Variants in PAPSS2 observed in about 807,000 individuals in gnomAD.
The protein encoded by PAPSS2 is bifunctional 3'-phosphoadenosine 5'-phosphosulfate synthase 2.
Under a neutral mutation model 66.5 loss-of-function variants are expected in PAPSS2, and 61 were observed. The ratio of observed to expected loss-of-function variants is 0.92; its 90% CI spans 0.75 to 1.14. PAPSS2 has a LOEUF of 1.14. PAPSS2 is among the 50% of genes most tolerant of loss of function. The probability of loss-of-function intolerance (pLI) is 0.00; values close to 1 mark genes in which losing one functional copy is unlikely to be tolerated. For missense variants in PAPSS2, 708 were observed against 789.6 expected (o/e 0.90, Z 1.24); for synonymous variants, 289 against 287.5 (o/e 1.01, Z -0.05).
At chr10:87,696,958 G>C (rs1354543911) in intron 1 of PAPSS2, among the ~76,000 whole-genome samples, 1 of 152,218 alleles carries the variant, frequency 6.6e-6, no homozygotes, top group Non-Finnish European at 1.5e-5. Context: ...GTGGTACAAT[G>C]AATGAACCAA....
intron 9 of PAPSS2, among the ~76,000 whole-genome samples, chr10:87,737,422 C>A (rs938518713): frequency 1.3e-5 from 2 of 152,068 alleles, no homozygotes; most frequent in African/African-American, 2.4e-5. Context: ...ATCATCTTAA[C>A]CTTCTTGTAA....
chr10:87,713,315 A>G lies in PAPSS2; in HGVS notation c.381+5A>G, dbSNP rs773678465. 1.5e-5 allele frequency: 12 copies of G among 821,672 alleles called. No individual in the cohort carries two copies. Among genetic ancestry groups the G allele is most frequent in the Middle Eastern group, 3.7e-4 (1 of 2,668 alleles). The allele number at this position is 821,672 out of a possible 1,614,324, so 50.9% of individuals were successfully genotyped here. A position where few individuals can be genotyped will look rare whatever the true frequency, so the allele number is the denominator to read the frequency against. On this transcript the variant is annotated splice_donor_5th_base_variant and intron_variant, in intron 3 of 12. Transcript: ENST00000456849. ...TTTATTTCTCCATTCGCAAAGGTAAAAAAAAAAAAAAAAAAAAAAGGCACT... is the reference window on the plus strand; with the variant it reads ...TTTATTTCTCCATTCGCAAAGGTAAGAAAAAAAAAAAAAAAAAAAGGCACT...
At position 87,714,717 on chromosome 10, in the gene PAPSS2, C is replaced by T. The variant is rs17125200; in HGVS notation, c.521-28C>T. The T allele has an allele frequency of 1.6e-3, 1,903 of 1,183,098 alleles. 42 individuals are homozygous for T. The South Asian group carries it at 0.022, about 14-fold the overall frequency. 73.3% of individuals were successfully genotyped at this position (1,183,098 alleles called of 1,614,324 possible). On this transcript the variant is annotated intron_variant, in intron 4 of 12. Coordinates refer to ENST00000456849, the MANE Select transcript of PAPSS2 (RefSeq NM_001015880.2). ...AAAGATTATTCTGTCAATACAGATG[C>T]GATGATTGTCACCCATATGCTTTGC... is the stretch of plus-strand genomic sequence containing the variant.
intron 9 of PAPSS2, among the ~76,000 whole-genome samples, chr10:87,736,434 T>C (rs1011616323): frequency 4.0e-5 from 6 of 151,808 alleles, no homozygotes; most frequent in Admixed American, 3.9e-4. Flanking sequence ...GGCCTGGCTA[T>C]TTTTTATATT....
At chr10:87,731,525 A>G (rs1402873869) in intron 9 of PAPSS2, among the ~76,000 whole-genome samples, 1 of 152,224 alleles carries the variant, frequency 6.6e-6, no homozygotes, top group African/African-American at 2.4e-5. Flanking sequence ...GCTGCTCTAG[A>G]TGGTGATTCC....
intron 4 of PAPSS2, among the ~76,000 whole-genome samples, chr10:87,714,518 C>A (rs1388301697): frequency 1.3e-5 from 2 of 152,136 alleles, no homozygotes; most frequent in Non-Finnish European, 2.9e-5. Context: ...TAGAGGGCTT[C>A]AACTTAGCCA....
chr10:87,709,734 C>T (rs536195327), intron 2 of PAPSS2, among the ~76,000 whole-genome samples: 9 of 152,132 alleles, frequency 5.9e-5, no homozygotes, highest in African/African-American at 1.7e-4. Flanking sequence ...TAGAGATATT[C>T]GTTATTGTTG....
intron 2 of PAPSS2, among the ~76,000 whole-genome samples, chr10:87,710,026 G>T (rs901365474): frequency 4.6e-5 from 7 of 152,088 alleles, no homozygotes; most frequent in Non-Finnish European, 1.0e-4. Flanking sequence ...CTGAGTCCAA[G>T]GTAGACAAAA....
At position 87,745,940 on chromosome 10, in the gene PAPSS2, A is replaced by G; in HGVS notation, c.1830A>G (p.Thr610=). 1 of 1,614,104 alleles carries G rather than the reference A, an allele frequency of 6.2e-7. No homozygotes were observed. Among genetic ancestry groups the G allele is most frequent in the Non-Finnish European group, 8.5e-7 (1 of 1,179,966 alleles). The change falls in exon 13 of 13, where the codon ACA becomes ACG. Residue 610 remains threonine (T), a synonymous_variant. Transcript: ENST00000456849. The part of the protein sequence containing the change: ...FMAPKAWKVL[T]DYYRSLEKN ...CCCCCAAAGCATGGAAGGTCCTGAC[A>G]GATTATTACAGGTCCCTGGAGAAGA...
intron 1 of PAPSS2, among the ~76,000 whole-genome samples, chr10:87,662,216 G>C (rs1235529436): frequency 6.6e-6 from 1 of 152,124 alleles, no homozygotes; most frequent in African/African-American, 2.4e-5. Flanking sequence ...TCAAATATTT[G>C]TTGAGCACCT....
rs1220283524 is a variant in PAPSS2 at position 87,746,874 on chromosome 10, CAAAG to C, written c.*907_*910del. The C allele has an allele frequency of 6.6e-6, 1 of 152,198 alleles. No homozygotes were observed. Among genetic ancestry groups the C allele is most frequent in the African/African-American group, 2.4e-5 (1 of 41,448 alleles). 9.4% of individuals were successfully genotyped at this position (152,198 alleles called of 1,614,324 possible). ...TAGAACTGGAAAAGACCACAGAAAA[CAAAG>C]AATCCAACCCTTTCATCTTACAGGT... On this transcript the variant is annotated 3_prime_UTR_variant, in exon 13 of 13. Coordinates refer to ENST00000456849, the MANE Select transcript of PAPSS2 (RefSeq NM_001015880.2).
chr10:87,727,423 A>C lies in PAPSS2; in HGVS notation c.1020A>C (p.Glu340Asp), dbSNP rs201534761. Residue 340 changes from glutamate (E) to aspartate (D), a missense_variant, in exon 9 of 13, where the codon GAA (glutamate) becomes GAC (aspartate). Physicochemically the swap from Glu to Asp is conservative, Grantham distance 45. Transcript: ENST00000456849. ...TCTTACGAGACGCTGAATTCTATGAACACAGAAAAGAGGAACGCTGTTCCC... is the reference window on the plus strand; with the variant it reads ...TCTTACGAGACGCTGAATTCTATGACCACAGAAAAGAGGAACGCTGTTCCC... ...VAILRDAEFY[E>D]HRKEERCSRV... 21 of 1,614,012 alleles carry C rather than the reference A, an allele frequency of 1.3e-5. No homozygotes were observed. Among genetic ancestry groups the C allele is most frequent in the Middle Eastern group, 1.6e-4 (1 of 6,084 alleles).
At chr10:87,705,810 T>G (rs1166111342) in intron 1 of PAPSS2, among the ~76,000 whole-genome samples, 2 of 151,544 alleles carry the variant, frequency 1.3e-5, no homozygotes, top group Non-Finnish European at 2.9e-5. Flanking sequence ...CTCGGGTCAC[T>G]GCAACCTCCG....
chr10:87,714,978 A>G lies in PAPSS2; in HGVS notation c.640-7A>G. On this transcript the variant is annotated splice_polypyrimidine_tract_variant and splice_region_variant and intron_variant, in intron 5 of 12. Coordinates refer to ENST00000456849, the MANE Select transcript of PAPSS2 (RefSeq NM_001015880.2). ...TTCAAGTTTTTACCAATGCTGTTTC[A>G]TTTCAGAACATTGTACCCTATACTA... 6.3e-7 allele frequency: 1 copy of G among 1,578,588 alleles called. No individual in the cohort carries two copies. Among genetic ancestry groups the G allele is most frequent in the African/African-American group, 1.3e-5 (1 of 74,348 alleles).
At chr10:87,738,564 C>T (rs1250421285) in intron 9 of PAPSS2, among the ~76,000 whole-genome samples, 1 of 152,106 alleles carries the variant, frequency 6.6e-6, no homozygotes, top group Non-Finnish European at 1.5e-5. Context: ...CATGCACCAC[C>T]ATGCCAGATT....
intron 1 of PAPSS2, among the ~76,000 whole-genome samples, chr10:87,683,645 A>T (rs1401146427): frequency 6.6e-6 from 1 of 151,732 alleles, no homozygotes; most frequent in East Asian, 1.9e-4. Context: ...AGGGGATCAG[A>T]CTCACTAATA....
At chr10:87,731,650 G>T (rs1853731063) in intron 9 of PAPSS2, among the ~76,000 whole-genome samples, 1 of 152,196 alleles carries the variant, frequency 6.6e-6, no homozygotes, top group African/African-American at 2.4e-5. Context: ...ACACTAATGG[G>T]AGTTTGGAAG....
intron 7 of PAPSS2, among the ~76,000 whole-genome samples, chr10:87,719,917 G>A (rs920603425): frequency 1.3e-5 from 2 of 151,654 alleles, no homozygotes; most frequent in African/African-American, 2.4e-5. Flanking sequence ...ACAGAGTCTC[G>A]CTCTGTTGCC....
chr10:87,740,692 T>G (rs1853857928), intron 9 of PAPSS2, among the ~76,000 whole-genome samples: 1 of 152,202 alleles, frequency 6.6e-6, no homozygotes, highest in Non-Finnish European at 1.5e-5. Context: ...ATCCAAATCC[T>G]CTTCTCTTTT....
Sources: gnomAD v4.1 joint callset for allele counts (sites outside exome capture counted in the v4.1 genomes callset) on GRCh38, gnomAD v4.1.1 for gene constraint, MANE v1.5 for transcripts, NCBI Gene and HGNC (gene_info 2026-07-23, HGNC 2026-07-21) for gene names.